The following THTPA variants were observed in gnomAD, a reference collection of about 807,000 sequenced individuals.
THTPA encodes thiamine-triphosphatase.
THTPA carries 16 observed loss-of-function variants against 16.5 expected under a neutral mutation model. The observed-to-expected ratio is 0.97, with a 90% CI of 0.66 to 1.47. The LOEUF is 1.47. Among genes scored for constraint, THTPA ranks in the 40% most tolerant of loss-of-function variants. THTPA has a pLI of 0.00. For missense variants in THTPA, 281 were observed against 280.9 expected, an observed-to-expected ratio of 1.00 and a Z score of 0.00; for synonymous variants, 110 against 115.5, an observed-to-expected ratio of 0.95 and a Z score of 0.30.
At position 23,558,718 on chromosome 14, in the gene THTPA, C is replaced by A. The variant is rs1381658604; in HGVS notation, c.571C>A (p.Pro191Thr). Reference sequence around the variant, plus strand: ...AGGTGTGCCTGCACAGGAGACAGCACCAGCCAAGCTGATTGTGTATCTACA... The same window carrying A: ...AGGTGTGCCTGCACAGGAGACAGCAACAGCCAAGCTGATTGTGTATCTACA... ...MLGVPAQETA[P>T]AKLIVYLQRF... The change falls in exon 2 of 2, where the codon CCA becomes ACA. Residue 191 changes from proline (P) to threonine (T), a missense_variant. Physicochemically the swap from Pro to Thr is conservative, Grantham distance 38 (BLOSUM62 -1). Coordinates refer to ENST00000288014, the MANE Select transcript of THTPA (RefSeq NM_024328.6). The A allele has an allele frequency of 1.2e-6, 2 of 1,614,110 alleles. No homozygotes were observed. Among genetic ancestry groups the A allele is most frequent in the African/African-American group, 2.7e-5 (2 of 74,930 alleles).
the THTPA span, among the ~76,000 whole-genome samples, chr14:23,536,500 C>T: frequency 1.3e-5 from 2 of 152,122 alleles, no homozygotes; most frequent in Non-Finnish European, 2.9e-5. Flanking sequence ...AACAGCTAGT[C>T]GGTTGCCTCC....
the THTPA span, among the ~76,000 whole-genome samples, chr14:23,549,113 C>T: frequency 6.6e-6 from 1 of 151,968 alleles, no homozygotes; most frequent in Non-Finnish European, 1.5e-5. Flanking sequence ...TTCTGTTGAC[C>T]TCCACTTTAG....
At chr14:23,539,528 T>C in the THTPA span, among the ~76,000 whole-genome samples, 10 of 152,014 alleles carry the variant, frequency 6.6e-5, no homozygotes, top group African/African-American at 2.2e-4. Context: ...GGGGAAATAG[T>C]GAGACTTAAG....
At chr14:23,553,299 C>T (rs1192890719), upstream of THTPA, among the ~76,000 whole-genome samples, 2 of 152,188 alleles carry the variant, frequency 1.3e-5, no homozygotes, top group African/African-American at 4.8e-5. Flanking sequence ...CACATTTTCT[C>T]AATGAAAAAG....
chr14:23,555,334 C>T (rs1595209505), upstream of THTPA, among the ~76,000 whole-genome samples: 1 of 152,238 alleles, frequency 6.6e-6, no homozygotes, highest in East Asian at 1.9e-4. Context: ...AGTTCTACAC[C>T]TGACAAAAAC....
chr14:23,547,358 T>C, the THTPA span, among the ~76,000 whole-genome samples: 5 of 152,258 alleles, frequency 3.3e-5, no homozygotes, highest in African/African-American at 1.2e-4. Flanking sequence ...CCATTGTATA[T>C]ATACGGTTAT....
the THTPA span, among the ~76,000 whole-genome samples, chr14:23,536,707 C>T: frequency 3.3e-5 from 5 of 152,308 alleles, no homozygotes; most frequent in African/African-American, 1.2e-4. Context: ...GAGGGTCACA[C>T]AGCTCCAAGA....
chr14:23,530,667 C>T, the THTPA span: 57 of 339,552 alleles, frequency 1.7e-4, no homozygotes, highest in South Asian at 5.1e-4. Context: ...AATTTATTTT[C>T]GGTGGCAGCC....
chr14:23,558,633 G>A (rs1882860321), intron 1 of THTPA, 62 bp from the exon 2 acceptor site: 3 of 1,603,462 alleles, frequency 1.9e-6, no homozygotes, highest in Non-Finnish European at 2.6e-6. Flanking sequence ...GGTGGGCAGG[G>A]AGCAGAGTCC....
At chr14:23,516,388 G>A in the THTPA span, among the ~76,000 whole-genome samples, 45 of 152,290 alleles carry the variant, frequency 3.0e-4, no homozygotes, top group African/African-American at 7.9e-4. Flanking sequence ...GTGTGTATGC[G>A]TTTTGGGTGG....
the THTPA span, chr14:23,526,998 C>A: frequency 6.7e-7 from 1 of 1,482,832 alleles, no homozygotes; most frequent in South Asian, 1.4e-5. Context: ...AGCCTAGTGG[C>A]TTCACCACCA....
At chr14:23,516,071 T>G in the THTPA span, among the ~76,000 whole-genome samples, 1 of 152,016 alleles carries the variant, frequency 6.6e-6, no homozygotes, top group Non-Finnish European at 1.5e-5. Flanking sequence ...GCTGAAGAGA[T>G]GGGGGCAGGT....
the THTPA span, chr14:23,525,410 G>A: frequency 6.5e-7 from 1 of 1,536,162 alleles, no homozygotes; most frequent in Non-Finnish European, 8.7e-7. The surrounding 1 kb of genome is among the most constrained non-coding windows in gnomAD (Gnocchi z 5.9). Flanking sequence ...ACGGCTCAGG[G>A]CTTCAAAGGG....
chr14:23,518,742 G>A, the THTPA span, among the ~76,000 whole-genome samples: 42 of 152,188 alleles, frequency 2.8e-4, no homozygotes, highest in Non-Finnish European at 5.7e-4. The surrounding 1 kb of genome is among the most constrained non-coding windows in gnomAD (Gnocchi z 4.5). Flanking sequence ...GTGTTATTGT[G>A]CCAAATGCTT....
the THTPA span, among the ~76,000 whole-genome samples, chr14:23,540,759 C>A: frequency 6.6e-6 from 1 of 152,140 alleles, no homozygotes; most frequent in African/African-American, 2.4e-5. Flanking sequence ...GTTGTGAAGA[C>A]CAGATAGGTA....
chr14:23,523,023 C>G, the THTPA span: 18 of 1,416,440 alleles, frequency 1.3e-5, no homozygotes, highest in Non-Finnish European at 1.8e-6. This position sits in a 1 kb window ranked among gnomAD's most constrained non-coding sequence, Gnocchi z 4.1. Flanking sequence ...TCCAGCCACA[C>G]ACACCCGTTC....
At chr14:23,518,709 G>A in the THTPA span, among the ~76,000 whole-genome samples, 1 of 152,214 alleles carries the variant, frequency 6.6e-6, no homozygotes, top group Non-Finnish European at 1.5e-5. This position sits in a 1 kb window ranked among gnomAD's most constrained non-coding sequence, Gnocchi z 4.5. Context: ...AGGGTTAGGG[G>A]TGGGGGAGGT....
At position 23,556,894 on chromosome 14, in the gene THTPA, G is replaced by A. The variant is rs766675999; in HGVS notation, c.137G>A (p.Ser46Asn). 2 of 1,613,888 alleles carry A rather than the reference G, an allele frequency of 1.2e-6. No homozygotes were observed. Among genetic ancestry groups the A allele is most frequent in the African/African-American group, 2.7e-5 (2 of 75,036 alleles). Residue 46 changes from serine to asparagine, a missense_variant, in exon 1 of 2, where the codon AGC becomes AAC. Coordinates refer to ENST00000288014, the MANE Select transcript of THTPA (RefSeq NM_024328.6). ...ACCTACTATGACACCCCTGAGCTGA[G>A]CCTCATGCAGGCTGACCACTGGCTG... ...RDTYYDTPELSLMQADHWLRR... is the reference protein window; with the variant it reads ...RDTYYDTPELNLMQADHWLRR...
the THTPA span, chr14:23,521,385 A>T: frequency 5.3e-5 from 8 of 152,370 alleles, no homozygotes; most frequent in Admixed American, 4.6e-4. Flanking sequence ...GCATTTGGAA[A>T]GAGTTTGTGA....
Sources: allele counts gnomAD v4.1 joint callset (sites outside exome capture counted in the v4.1 genomes callset), GRCh38; gene constraint gnomAD v4.1.1; non-coding constraint Gnocchi (gnomAD v3.1); transcripts MANE v1.5; gene names NCBI Gene and HGNC (gene_info 2026-07-23, HGNC 2026-07-21).